RNF213: variants seen among roughly 807,000 people sequenced by gnomAD.
RNF213 encodes the protein E3 ubiquitin-protein ligase RNF213.
A neutral mutation model predicts 514.4 loss-of-function variants in RNF213; 341 were observed. The ratio of observed to expected loss-of-function variants is 0.66; its 90% CI spans 0.61 to 0.73. The LOEUF (loss-of-function observed/expected upper bound fraction) is 0.73, where lower values mean the gene tolerates loss of function less well. RNF213 is among the 30% of genes least tolerant of loss of function. The pLI, the probability that RNF213 is intolerant of heterozygous loss-of-function variation, is 0.00. For missense variants in RNF213, 5,767 were observed against 6,615.6 expected (o/e 0.87, Z 4.45); for synonymous variants, 2,655 against 2,658.2 (o/e 1.00, Z 0.04).
rs1568160971 is a variant in RNF213 at position 80,379,714 on chromosome 17, A to C, written c.13640A>C (p.Lys4547Thr). ...HKPRDGFHLV[K>T]DKADRTQTGH... ...CCTCGGGACGGCTTTCATCTGGTCA[A>C]GTATGTGGGTCAGGATTCTATTTCC... The change falls in exon 55 of 68, where the codon AAA becomes ACA. Residue 4547 changes from lysine (K) to threonine (T), a missense_variant and splice_region_variant. Lys to Thr is a moderately conservative substitution (Grantham distance 78, BLOSUM62 -1). Around this residue, in one of 13 missense-constraint regions of RNF213, gnomAD observed 1,245 missense variants for 1,339.0 expected, o/e 0.93. Transcript: ENST00000582970. 1 of 1,613,696 alleles carries C rather than the reference A, an allele frequency of 6.2e-7. No individual in the cohort carries two copies. The highest frequency in any genetic ancestry group is 1.1e-5 in the South Asian group (1 of 91,070).
intron 37 of RNF213, among the ~76,000 whole-genome samples, chr17:80,358,769 C>T (rs928568168): frequency 1.3e-5 from 2 of 152,080 alleles, no homozygotes; most frequent in African/African-American, 2.4e-5. Context: ...ATTAGCTGGG[C>T]GTGGTGGCGC....
chr17:80,346,765 C>G lies in RNF213; in HGVS notation c.8430C>G (p.Ser2810Arg). 6.2e-7 allele frequency: 1 copy of G among 1,613,590 alleles called. No individual in the cohort carries two copies. The highest frequency in any genetic ancestry group is 8.5e-7 in the Non-Finnish European group (1 of 1,179,992). ...TCCACCTGGTGTCCTTCCAGTGCAG[C>G]CCGCACTCCACCCCACAGGGCATCA... ...KQVHLVSFQC[S>R]PHSTPQGIIS... Residue 2810 changes from serine to arginine, a missense_variant, in exon 29 of 68, where the codon AGC becomes AGG. By Grantham distance (110) the Ser-to-Arg change is moderately radical. Transcript: ENST00000582970. The surrounding 1 kb of genome is among the most constrained non-coding windows in gnomAD (Gnocchi z 8.1).
chr17:80,334,977 A>G (rs1211452231), intron 22 of RNF213, among the ~76,000 whole-genome samples: 1 of 148,308 alleles, frequency 6.7e-6, no homozygotes. Context: ...GCTGGAGTGC[A>G]GTGGTGCAAT....
intron 2 of RNF213, among the ~76,000 whole-genome samples, chr17:80,269,567 C>T (rs1328212372): frequency 1.4e-5 from 2 of 146,274 alleles, no homozygotes; most frequent in East Asian, 4.9e-4. Flanking sequence ...TCTATCTGTC[C>T]ATCCATCTAT....
chr17:80,318,578 C>CT (rs11455821), intron 16 of RNF213, among the ~76,000 whole-genome samples: 10,921 of 147,412 alleles, frequency 0.074, 721 homozygotes, highest in East Asian at 0.36. Flanking sequence ...TTATATGTAA[C>CT]TTTTTTTTTT....
intron 67 of RNF213, among the ~76,000 whole-genome samples, chr17:80,391,427 CG>C (rs1281649027): frequency 6.6e-6 from 1 of 152,120 alleles, no homozygotes; most frequent in Admixed American, 6.6e-5. Context: ...CCAACCATCA[CG>C]CCCAGCTAAT....
rs775147541 is a variant in RNF213 at position 80,351,740 on chromosome 17, G to A, written c.10240G>A (p.Val3414Ile). 1.5e-5 allele frequency: 24 copies of A among 1,612,992 alleles called. 1 individual carries two copies. Among genetic ancestry groups the A allele is most frequent in the Middle Eastern group, 1.6e-4 (1 of 6,062 alleles). The change falls in exon 32 of 68, where the codon GTC (valine) becomes ATC (isoleucine). Residue 3414 changes from valine to isoleucine, a missense_variant. Val to Ile is a conservative substitution (Grantham distance 29). Around this residue, in one of 13 missense-constraint regions of RNF213, gnomAD observed 919 missense variants for 1,121.0 expected, o/e 0.82. Transcript: ENST00000582970. ...ACGAGAAAATGAGGACCGTATCTTC[G>A]TCTATTTCATCACAAAACTGTCCCG... ...KIRENEDRIF[V>I]YFITKLSRVG... is the part of the protein sequence containing the mutation.
rs181623719 is a variant in RNF213, at chr17:80,263,024, C to T, written c.-108-550C>T. Among the ~76,000 whole-genome samples, 5 of 152,226 alleles carry T rather than the reference C, an allele frequency of 3.3e-5. No homozygotes were observed. Among genetic ancestry groups the T allele is most frequent in the Admixed American group, 1.3e-4 (2 of 15,286 alleles). ...ACTGTTAGGTGGCCAAGCGCCCAAA[C>T]GCCATCTCCACTCTCACCCTGGATG... On this transcript the variant is annotated intron_variant, in intron 1 of 67. Transcript: ENST00000582970. The surrounding 1 kb of genome is among the most constrained non-coding windows in gnomAD (Gnocchi z 4.9).
At chr17:80,309,312 G>A (rs949973440) in intron 14 of RNF213, 141 bp downstream of exon 14, 1 of 1,007,680 alleles carries the variant, frequency 9.9e-7, no homozygotes, top group Middle Eastern at 2.4e-4. Context: ...CATTTCTTGT[G>A]CACCTGCTTG....
intron 8 of RNF213, among the ~76,000 whole-genome samples, chr17:80,292,327 C>G (rs989044963): frequency 6.6e-6 from 1 of 152,082 alleles, no homozygotes; most frequent in Non-Finnish European, 1.5e-5. Context: ...CTCGACCTCC[C>G]GAAGTGTTGG....
intron 44 of RNF213, 47 bp from the exon 45 acceptor site, chr17:80,369,455 C>A: frequency 6.5e-7 from 1 of 1,527,564 alleles, no homozygotes; most frequent in Non-Finnish European, 9.1e-7. Context: ...TGTAAGGAGG[C>A]ATTTGGGAAA....
intron 22 of RNF213, 153 bp downstream of exon 22, chr17:80,334,423 G>A (rs1485458999): frequency 1.3e-6 from 1 of 771,714 alleles, no homozygotes; most frequent in Non-Finnish European, 2.0e-6. Flanking sequence ...AGGGAGATGG[G>A]CACTGATCAT....
rs2079785008 is a variant in RNF213, at chr17:80,376,970, G to A, written c.13510+7G>A. The A allele has an allele frequency of 1.2e-6, 2 of 1,610,466 alleles. No individual in the cohort carries two copies. The highest frequency in any genetic ancestry group is 1.3e-5 in the African/African-American group (1 of 74,950). ...GAGCGAGTCCACTGGTACAGTAAGT[G>A]TTGGGGTCTAGATGACCCCACACTC... is the stretch of plus-strand genomic sequence containing the variant. On this transcript the variant is annotated splice_region_variant and intron_variant, in intron 53 of 67. Transcript: ENST00000582970.
Position 80,288,485 on chromosome 17 carries a change from T to C in RNF213, c.810+122T>C. 6.3e-7 allele frequency: 1 copy of C among 1,593,060 alleles called. No homozygotes were observed. Among genetic ancestry groups the C allele is most frequent in the African/African-American group, 1.3e-5 (1 of 74,628 alleles). On this transcript the variant is annotated intron_variant, in intron 4 of 67. Transcript: ENST00000582970. The surrounding 1 kb of genome is among the most constrained non-coding windows in gnomAD (Gnocchi z 4.9). The stretch of plus-strand genomic sequence containing the variant: ...GGGGCGTCCTCTGGGCCCTGCTCCC[T>C]GGGTGGGAGTCGGAGGGCTGCCCCT...
intron 63 of RNF213, among the ~76,000 whole-genome samples, 191 bp downstream of exon 63, chr17:80,387,082 T>A (rs2080267563): frequency 6.6e-6 from 1 of 152,198 alleles, no homozygotes; most frequent in Non-Finnish European, 1.5e-5. Flanking sequence ...TCCTGAGCCC[T>A]CTCCTGCAGG....
chr17:80,361,997 C>A, intron 39 of RNF213, 109 bp downstream of exon 39: 1 of 1,320,288 alleles, frequency 7.6e-7, no homozygotes, highest in Non-Finnish European at 1.1e-6. Context: ...GCTGTGAAGT[C>A]TGGGAACAGA....
At chr17:80,373,856 A>G (rs1411440878) in intron 49 of RNF213, among the ~76,000 whole-genome samples, 1 of 152,090 alleles carries the variant, frequency 6.6e-6, no homozygotes, top group Non-Finnish European at 1.5e-5. Context: ...AAAAAAAATT[A>G]GCTGGACATG....
intron 63 of RNF213, among the ~76,000 whole-genome samples, chr17:80,388,297 T>C (rs1197100817): frequency 6.6e-6 from 1 of 152,214 alleles, no homozygotes; most frequent in Non-Finnish European, 1.5e-5. Flanking sequence ...TCTGTGCCTT[T>C]AGTGGCTGAA....
At chr17:80,390,293 C>G in intron 67 of RNF213, 97 bp downstream of exon 67, 4 of 1,376,918 alleles carry the variant, frequency 2.9e-6, no homozygotes, top group Non-Finnish European at 4.1e-6. Context: ...TTTCTTACCA[C>G]AGAATCCCAT....
Sources: allele counts gnomAD v4.1 joint callset (sites outside exome capture counted in the v4.1 genomes callset), GRCh38; gene constraint gnomAD v4.1.1; regional missense constraint gnomAD v4.1.1; non-coding constraint Gnocchi (gnomAD v3.1); transcripts MANE v1.5; gene names NCBI Gene and HGNC (gene_info 2026-07-23, HGNC 2026-07-21).